Variants in LCLAT1 observed in about 807,000 individuals in gnomAD.
LCLAT1 encodes lysocardiolipin acyltransferase 1.
A neutral mutation model predicts 30.7 loss-of-function variants in LCLAT1; 11 were observed. That is an observed-to-expected ratio of 0.36 (90% CI 0.23 to 0.59). The LOEUF (loss-of-function observed/expected upper bound fraction) is 0.59, where lower values mean the gene tolerates loss of function less well. Among genes scored for constraint, LCLAT1 ranks in the 20% least tolerant of loss-of-function variants. The pLI, the probability that LCLAT1 is intolerant of heterozygous loss-of-function variation, is 0.77. For missense variants in LCLAT1, 402 were observed against 458.6 expected, an observed-to-expected ratio of 0.88 and a Z score of 1.13; for synonymous variants, 155 against 151.3, an observed-to-expected ratio of 1.02 and a Z score of -0.18.
chr2:30,606,963 G>A (rs1358090540), intron 5 of LCLAT1: 1 of 151,958 alleles, frequency 6.6e-6, no homozygotes, highest in Admixed American at 6.6e-5. Context: ...ACATTTATAT[G>A]GCTAATAAAC....
At chr2:30,566,985 T>A (rs1329405801) in intron 4 of LCLAT1, among the ~76,000 whole-genome samples, 1 of 152,246 alleles carries the variant, frequency 6.6e-6, no homozygotes, top group East Asian at 1.9e-4. Flanking sequence ...TAACATACTC[T>A]GTGCCTGAGC....
chr2:30,591,520 T>A (rs915613560), intron 5 of LCLAT1, among the ~76,000 whole-genome samples: 1 of 152,144 alleles, frequency 6.6e-6, no homozygotes, highest in South Asian at 2.1e-4. Flanking sequence ...TTAAACAAAG[T>A]AGTATGTTTA....
At chr2:30,494,547 CACACACGCATACGTGCAT>C (rs1683998971) in intron 1 of LCLAT1, among the ~76,000 whole-genome samples, 3 of 86,066 alleles carry the variant, frequency 3.5e-5, no homozygotes, top group African/African-American at 1.2e-4. Context: ...TACATGCATA[CACACACGCATACGTGCAT>C]ACACACATGC....
chr2:30,506,431 G>C (rs1572541474), intron 1 of LCLAT1, among the ~76,000 whole-genome samples: 2 of 152,168 alleles, frequency 1.3e-5, no homozygotes, highest in East Asian at 1.9e-4. Flanking sequence ...GTAAAGATGA[G>C]TAAAGTCACT....
intron 5 of LCLAT1, among the ~76,000 whole-genome samples, chr2:30,616,152 G>T (rs1667984121): frequency 6.6e-6 from 1 of 152,174 alleles, no homozygotes. Flanking sequence ...TGTTGCTGTT[G>T]AATTGCAATG....
At chr2:30,585,213 C>T (rs1330201901) in intron 5 of LCLAT1, among the ~76,000 whole-genome samples, 3 of 152,080 alleles carry the variant, frequency 2.0e-5, no homozygotes, top group Admixed American at 6.6e-5. Context: ...TTCATTTTCT[C>T]ATATCTCACT....
chr2:30,568,184 C>T lies in LCLAT1; in HGVS notation c.628+8C>T. On this transcript the variant is annotated splice_region_variant and intron_variant, in intron 5 of 5. Coordinates refer to ENST00000379509, the MANE Select transcript of LCLAT1 (RefSeq NM_001002257.3). The stretch of plus-strand genomic sequence containing the variant: ...TAGACCGTCTAAGAGAAGGTAAGCA[C>T]CCATTTCAAAATGTACTTTTTAATA... 1 of 1,468,108 alleles carries T rather than the reference C, an allele frequency of 6.8e-7. No individual in the cohort carries two copies. The highest frequency in any genetic ancestry group is 9.4e-7 in the Non-Finnish European group (1 of 1,069,074). The allele number at this position is 1,468,108 out of a possible 1,614,324, so 90.9% of individuals were successfully genotyped here. A position where few individuals can be genotyped will look rare whatever the true frequency, so the allele number is the denominator to read the frequency against.
At chr2:30,626,036 C>G (rs951422177) in intron 5 of LCLAT1, among the ~76,000 whole-genome samples, 2 of 152,194 alleles carry the variant, frequency 1.3e-5, no homozygotes, top group Non-Finnish European at 2.9e-5. Context: ...CGTGAGTGCT[C>G]TGTAGATAAT....
intron 1 of LCLAT1, among the ~76,000 whole-genome samples, chr2:30,504,787 C>T (rs1413565699): frequency 6.6e-6 from 1 of 152,100 alleles, no homozygotes; most frequent in Non-Finnish European, 1.5e-5. Context: ...AGGTTTAATT[C>T]CCTTTGACCA....
intron 5 of LCLAT1, among the ~76,000 whole-genome samples, chr2:30,573,433 C>G (rs1035117148): frequency 6.6e-6 from 1 of 152,172 alleles, no homozygotes; most frequent in Non-Finnish European, 1.5e-5. Context: ...TATCCAGGTA[C>G]TGGAGTAAGG....
At chr2:30,611,256 C>G (rs1184558994) in intron 5 of LCLAT1, among the ~76,000 whole-genome samples, 1 of 151,926 alleles carries the variant, frequency 6.6e-6, no homozygotes, top group African/African-American at 2.4e-5. Context: ...TGAATTAATT[C>G]TATGAAACCA....
intron 5 of LCLAT1, among the ~76,000 whole-genome samples, chr2:30,585,975 GGC>G (rs1666415587): frequency 2.6e-5 from 4 of 151,980 alleles, no homozygotes; most frequent in African/African-American, 9.7e-5. Flanking sequence ...GGAATGGCCG[GGC>G]GTGGTGGCTC....
chr2:30,523,861 A>C (rs1685590501), intron 1 of LCLAT1, among the ~76,000 whole-genome samples: 1 of 152,192 alleles, frequency 6.6e-6, no homozygotes, highest in Non-Finnish European at 1.5e-5. Flanking sequence ...AGTGAGACGC[A>C]ATCTCAAAAC....
intron 1 of LCLAT1, among the ~76,000 whole-genome samples, chr2:30,504,131 T>C (rs1007763430): frequency 1.3e-5 from 2 of 152,036 alleles, no homozygotes; most frequent in African/African-American, 4.8e-5. Flanking sequence ...TAAACACATA[T>C]ATTACACATA....
intron 5 of LCLAT1, among the ~76,000 whole-genome samples, chr2:30,628,645 T>C (rs1317025319): frequency 1.3e-5 from 2 of 152,146 alleles, no homozygotes; most frequent in Non-Finnish European, 2.9e-5. Flanking sequence ...ATGACCAAGT[T>C]GGTATTTTAA....
At chr2:30,594,955 AT>A (rs1666864844) in intron 5 of LCLAT1, among the ~76,000 whole-genome samples, 1 of 152,210 alleles carries the variant, frequency 6.6e-6, no homozygotes, top group Non-Finnish European at 1.5e-5. Context: ...AGCCTATCCC[AT>A]TCAGTTATTC....
At chr2:30,607,845 CTGTGTGTGTGTGTGTGTGTGTGTG>C (rs55801578) in intron 5 of LCLAT1, 17,332 of 138,392 alleles carry the variant, frequency 0.13, 1,462 homozygotes, top group Non-Finnish European at 0.18. Flanking sequence ...TAGGCCTAGG[CTGTGTGTGTGTGTGTGTGTGTGTG>C]TGTGTGTGTG....
intron 3 of LCLAT1, among the ~76,000 whole-genome samples, chr2:30,541,878 A>G (rs186830500): frequency 1.3e-5 from 2 of 152,116 alleles, no homozygotes; most frequent in East Asian, 1.9e-4. Context: ...CCTTGTCAGC[A>G]TTAGGTGTTA....
At chr2:30,545,572 C>G (rs4476391) in intron 3 of LCLAT1, among the ~76,000 whole-genome samples, 18,589 of 151,878 alleles carry the variant, frequency 0.12, 2,637 homozygotes, top group African/African-American at 0.35. Context: ...GATTTCAGGT[C>G]AAGTTATAAA....
Sources: gnomAD v4.1 joint callset for allele counts (sites outside exome capture counted in the v4.1 genomes callset) on GRCh38, gnomAD v4.1.1 for gene constraint, MANE v1.5 for transcripts, NCBI Gene and HGNC (gene_info 2026-07-23, HGNC 2026-07-21) for gene names.